CTNNA2: variants seen among roughly 807,000 people sequenced by gnomAD.
CTNNA2 encodes the protein catenin alpha-2.
A neutral mutation model predicts 101.0 loss-of-function variants in CTNNA2; 42 were observed. The observed-to-expected ratio is 0.42, with a 90% CI of 0.32 to 0.54. The LOEUF is 0.54. Ranked by LOEUF, CTNNA2 falls within the 20% of genes least tolerant of loss-of-function variation. CTNNA2 has a pLI of 0.14. For synonymous variants in CTNNA2, 450 were observed against 456.4 expected (o/e 0.99, Z 0.18); for missense variants, 871 against 1,223.1 (o/e 0.71, Z 4.29).
intron 2 of CTNNA2, among the ~76,000 whole-genome samples, chr2:79,271,445 T>C (rs772338815): frequency 6.6e-5 from 10 of 152,038 alleles, no homozygotes; most frequent in Non-Finnish European, 1.3e-4. Context: ...TTACTGGCCA[T>C]AGCACAGGGA....
intron 7 of CTNNA2, among the ~76,000 whole-genome samples, chr2:80,274,160 A>T (rs764568885): frequency 6.6e-5 from 10 of 152,182 alleles, no homozygotes; most frequent in Non-Finnish European, 1.5e-4. Flanking sequence ...CAGAATATTC[A>T]GAGTGTGGTA....
At chr2:79,503,733 G>A (rs574268170) in intron 4 of CTNNA2, among the ~76,000 whole-genome samples, 2 of 152,260 alleles carry the variant, frequency 1.3e-5, no homozygotes, top group East Asian at 3.9e-4. Flanking sequence ...CACAATTGTA[G>A]GCTGTGTTTG....
At chr2:80,556,752 T>C (rs1693073739) in intron 12 of CTNNA2, among the ~76,000 whole-genome samples, 1 of 152,284 alleles carries the variant, frequency 6.6e-6, no homozygotes, top group Middle Eastern at 3.4e-3. Flanking sequence ...GAGAGGAAAC[T>C]AGGGAATAGA....
At chr2:80,584,567 A>C (rs916057530) in intron 14 of CTNNA2, among the ~76,000 whole-genome samples, 1 of 151,964 alleles carries the variant, frequency 6.6e-6, no homozygotes, top group Non-Finnish European at 1.5e-5. Flanking sequence ...AGTCTGGCAT[A>C]GTTAAAATAG....
chr2:79,220,337 C>T lies in CTNNA2; in HGVS notation c.-406+22261C>T, dbSNP rs77390566. Among the ~76,000 whole-genome samples the T allele has an allele frequency of 1.9e-3, 283 of 152,206 alleles. 8 individuals carry two copies. The East Asian group carries it at 0.051, about 28-fold the overall frequency. Reference sequence around the variant, plus strand: ...GGTGGAAGGCAGATGAAGACAAAAACATCCACTTTATTACTGGCAGAACTG... The same window carrying T: ...GGTGGAAGGCAGATGAAGACAAAAATATCCACTTTATTACTGGCAGAACTG... On this transcript the variant is annotated intron_variant, in intron 2 of 21. Coordinates refer to the CTNNA2 transcript ENST00000466387.
chr2:79,690,153 A>G (rs1454453767), intron 2 of CTNNA2, among the ~76,000 whole-genome samples: 2 of 151,970 alleles, frequency 1.3e-5, no homozygotes, highest in African/African-American at 2.4e-5. Flanking sequence ...ATATTAAAAT[A>G]TCTAAAACCA....
At chr2:79,252,780 C>T (rs1300601363) in intron 2 of CTNNA2, among the ~76,000 whole-genome samples, 3 of 151,582 alleles carry the variant, frequency 2.0e-5, no homozygotes, top group African/African-American at 7.3e-5. Flanking sequence ...CCCCCCATTA[C>T]TCCCATTTTT....
chr2:79,985,150 C>G (rs765969151), intron 7 of CTNNA2, among the ~76,000 whole-genome samples: 1 of 152,188 alleles, frequency 6.6e-6, no homozygotes, highest in Non-Finnish European at 1.5e-5. Flanking sequence ...CCAGCCTGCC[C>G]TGCAGGCTGA....
At chr2:79,963,449 A>G (rs901628655) in intron 7 of CTNNA2, among the ~76,000 whole-genome samples, 5 of 152,210 alleles carry the variant, frequency 3.3e-5, no homozygotes, top group Admixed American at 3.3e-4. Context: ...CATGCCAGCC[A>G]TCACTGCTTG....
At chr2:80,169,132 C>T (rs1385468945) in intron 7 of CTNNA2, among the ~76,000 whole-genome samples, 2 of 152,232 alleles carry the variant, frequency 1.3e-5, no homozygotes, top group Non-Finnish European at 2.9e-5. Context: ...TAGCTCCGAG[C>T]TGGCTTCCAG....
chr2:80,417,333 A>C (rs1225189703), intron 8 of CTNNA2, among the ~76,000 whole-genome samples: 1 of 151,818 alleles, frequency 6.6e-6, no homozygotes, highest in Admixed American at 6.6e-5. Context: ...GTTTTAATAC[A>C]TACATATATT....
At chr2:80,351,643 G>A (rs1321180075) in intron 7 of CTNNA2, among the ~76,000 whole-genome samples, 1 of 152,110 alleles carries the variant, frequency 6.6e-6, no homozygotes, top group Non-Finnish European at 1.5e-5. Context: ...TGCATGGGGG[G>A]TAAGCAGAGG....
At chr2:80,308,463 A>C (rs937807141) in intron 7 of CTNNA2, among the ~76,000 whole-genome samples, 2 of 152,160 alleles carry the variant, frequency 1.3e-5, no homozygotes, top group African/African-American at 4.8e-5. Flanking sequence ...GAATTGGCGG[A>C]GAGTGGGAGT....
chr2:79,754,694 G>A (rs968768847), intron 3 of CTNNA2, among the ~76,000 whole-genome samples: 1 of 152,072 alleles, frequency 6.6e-6, no homozygotes, highest in Non-Finnish European at 1.5e-5. Flanking sequence ...CTGAATACTT[G>A]AGTCTCCTAG....
intron 1 of CTNNA2, among the ~76,000 whole-genome samples, chr2:79,609,707 T>G (rs1378505046): frequency 6.6e-6 from 1 of 152,076 alleles, no homozygotes; most frequent in Non-Finnish European, 1.5e-5. Context: ...GCATACATAG[T>G]CTTTTCCACA....
intron 4 of CTNNA2, among the ~76,000 whole-genome samples, chr2:79,867,379 AATCT>A (rs1191439176): frequency 2.0e-5 from 3 of 152,010 alleles, no homozygotes; most frequent in East Asian, 3.9e-4. Flanking sequence ...TCATCTATCT[AATCT>A]ATCTGTCTAT....
chr2:79,663,585 G>A (rs187259729), intron 2 of CTNNA2, among the ~76,000 whole-genome samples: 100 of 151,882 alleles, frequency 6.6e-4, no homozygotes, highest in Admixed American at 6.0e-3. Flanking sequence ...TACATCTTTC[G>A]GCTACCATGT....
intron 2 of CTNNA2, among the ~76,000 whole-genome samples, chr2:79,238,948 TA>T (rs2104251573): frequency 6.6e-6 from 1 of 152,330 alleles, no homozygotes; most frequent in African/African-American, 2.4e-5. Context: ...AAGTGCTTTT[TA>T]AAAATAAATT....
chr2:79,589,708 CT>C (rs35614745), intron 1 of CTNNA2, among the ~76,000 whole-genome samples: 6,972 of 69,158 alleles, frequency 0.1, 237 homozygotes, highest in African/African-American at 0.18. Context: ...TTTTCCAGAT[CT>C]TTTTTTTTCC....
Sources: gnomAD v4.1 joint callset for allele counts (sites outside exome capture counted in the v4.1 genomes callset) on GRCh38, gnomAD v4.1.1 for gene constraint, MANE v1.5 for transcripts, NCBI Gene and HGNC (gene_info 2026-07-23, HGNC 2026-07-21) for gene names.